The following SYNPR variants were observed in gnomAD, a reference collection of about 807,000 sequenced individuals.
SYNPR encodes synaptoporin.
SYNPR carries 23 observed loss-of-function variants against 32.9 expected under a neutral mutation model. The ratio of observed to expected loss-of-function variants is 0.70; its 90% CI spans 0.50 to 0.99. The LOEUF (loss-of-function observed/expected upper bound fraction) is 0.99, where lower values mean the gene tolerates loss of function less well. Among genes scored for constraint, SYNPR ranks in the 50% least tolerant of loss-of-function variants. The pLI, the probability that SYNPR is intolerant of heterozygous loss-of-function variation, is 0.00. For missense variants in SYNPR, 318 were observed against 349.3 expected (o/e 0.91, Z 0.71); for synonymous variants, 146 against 135.9 (o/e 1.07, Z -0.52).
chr3:63,359,613 A>G (rs1323738726), intron 2 of SYNPR, among the ~76,000 whole-genome samples: 1 of 152,100 alleles, frequency 6.6e-6, no homozygotes, highest in East Asian at 1.9e-4. Flanking sequence ...TTTGAGCAGT[A>G]CTCCATGGCC....
At chr3:63,318,327 CAAT>C (rs1182904203) in intron 2 of SYNPR, among the ~76,000 whole-genome samples, 3 of 152,012 alleles carry the variant, frequency 2.0e-5, no homozygotes, top group African/African-American at 7.2e-5. Flanking sequence ...AAGTTTTCCT[CAAT>C]TATTCCCCTG....
chr3:63,227,437 A>C (rs76826716), upstream of SYNPR, among the ~76,000 whole-genome samples: 909 of 152,324 alleles, frequency 6.0e-3, 8 homozygotes, highest in African/African-American at 0.021. Context: ...GAGAGAGAGT[A>C]TATTACAGAA....
intron 4 of SYNPR, among the ~76,000 whole-genome samples, chr3:63,608,581 G>C (rs1404841829): frequency 6.6e-6 from 1 of 151,964 alleles, no homozygotes; most frequent in African/African-American, 2.4e-5. Flanking sequence ...ACATTGGTTT[G>C]TTAAGTGAAC....
At chr3:63,604,446 T>A (rs2106896960) in intron 4 of SYNPR, among the ~76,000 whole-genome samples, 1 of 152,262 alleles carries the variant, frequency 6.6e-6, no homozygotes, top group East Asian at 1.9e-4. Flanking sequence ...GGTTGTTAAT[T>A]TGAGATCTTT....
In SYNPR at chr3:63,431,756, A is replaced by G. The variant is rs557568975; in HGVS notation, c.85-49076A>G. Among the ~76,000 whole-genome samples, 4 of 152,218 alleles carry G rather than the reference A, an allele frequency of 2.6e-5. No individual in the cohort carries two copies. In the East Asian group the frequency reaches 7.7e-4, roughly 29 times the overall value. ...AACCAACAAACGAAAAGAAAAAAAA[A>G]ATCACTGAGAAGTACAGCCAGAACC... On this transcript the variant is annotated intron_variant, in intron 2 of 5. Coordinates refer to ENST00000478300, the MANE Select transcript of SYNPR (RefSeq NM_001130003.2).
At chr3:63,422,295 C>A (rs1005437942) in intron 2 of SYNPR, among the ~76,000 whole-genome samples, 2 of 152,046 alleles carry the variant, frequency 1.3e-5, no homozygotes, top group Non-Finnish European at 2.9e-5. Flanking sequence ...AAAATGGGAC[C>A]TTTTCCCTAA....
chr3:63,347,900 TG>T (rs1206828740), intron 2 of SYNPR, among the ~76,000 whole-genome samples: 1 of 151,636 alleles, frequency 6.6e-6, no homozygotes, highest in Non-Finnish European at 1.5e-5. Flanking sequence ...TGTGTGTGTG[TG>T]TGTGTGTGTG....
intron 2 of SYNPR, among the ~76,000 whole-genome samples, chr3:63,455,740 A>G (rs1700469312): frequency 7.7e-6 from 1 of 129,100 alleles, no homozygotes; most frequent in Non-Finnish European, 1.6e-5. Context: ...TTGCTTCTGT[A>G]CATAGTCATG....
rs188314658 is a variant in SYNPR, at chr3:63,446,587, T to C, written c.85-34245T>C. 1.9e-3 allele frequency among the ~76,000 whole-genome samples: 284 copies of C among 152,258 alleles called. 1 individual carries two copies. The highest frequency in any genetic ancestry group is 6.4e-3 in the African/African-American group (267 of 41,552). ...TTGAAATTTCTCTTCAAGTGGCAGC[T>C]TCTGGATGAGAAGCAGGGCATTCTA... On this transcript the variant is annotated intron_variant, in intron 2 of 5. Coordinates refer to ENST00000478300, the MANE Select transcript of SYNPR (RefSeq NM_001130003.2).
chr3:63,244,123 G>A (rs929230219), intron 1 of SYNPR, among the ~76,000 whole-genome samples: 4 of 152,184 alleles, frequency 2.6e-5, no homozygotes, highest in African/African-American at 9.6e-5. Flanking sequence ...GGAATGGAGT[G>A]AGAAAAGCAT....
chr3:63,614,038 C>T (rs1305101095), intron 5 of SYNPR, among the ~76,000 whole-genome samples: 5 of 120,378 alleles, frequency 4.2e-5, no homozygotes, highest in African/African-American at 1.5e-4. Context: ...CCTCTGCCAC[C>T]ACTACCCACA....
chr3:63,270,259 T>A (rs533043626), intron 3 of SYNPR, among the ~76,000 whole-genome samples: 112 of 152,276 alleles, frequency 7.4e-4, no homozygotes, highest in African/African-American at 2.5e-3. Flanking sequence ...CAGACATGAC[T>A]TTCATCTTTG....
rs6786707 is a variant in SYNPR, at chr3:63,389,778, G to C, written c.85-91054G>C. On this transcript the variant is annotated intron_variant, in intron 2 of 5. Coordinates refer to ENST00000478300, the MANE Select transcript of SYNPR (RefSeq NM_001130003.2). ...AGACCAAGGTGAAAATTCTCCCTCT[G>C]CCACTTTTATTTGGAAAGTTATTTC... is the stretch of plus-strand genomic sequence containing the variant. Among the ~76,000 whole-genome samples, 1,051 of 152,274 alleles carry C rather than the reference G, an allele frequency of 6.9e-3. 12 individuals are homozygous for C. Among genetic ancestry groups the C allele is most frequent in the African/African-American group, 0.023 (969 of 41,540 alleles).
intron 2 of SYNPR, chr3:63,452,140 A>G (rs1241089582): frequency 1.4e-6 from 1 of 701,644 alleles, no homozygotes; most frequent in African/African-American, 1.7e-5. Context: ...TTATTTGCTC[A>G]CTCATTCATT....
At chr3:63,594,888 A>G (rs570032989) in intron 4 of SYNPR, among the ~76,000 whole-genome samples, 2 of 152,316 alleles carry the variant, frequency 1.3e-5, no homozygotes, top group South Asian at 4.1e-4. Flanking sequence ...TTGAAAATAT[A>G]GGCAGCCTGG....
intron 2 of SYNPR, among the ~76,000 whole-genome samples, chr3:63,379,493 T>C (rs564977398): frequency 3.3e-5 from 5 of 152,200 alleles, no homozygotes; most frequent in Non-Finnish European, 7.3e-5. Context: ...ACTGGAAGTT[T>C]GTAGCTCTGT....
chr3:63,536,243 G>T (rs1304688982), intron 3 of SYNPR, among the ~76,000 whole-genome samples: 1 of 152,108 alleles, frequency 6.6e-6, no homozygotes, highest in Non-Finnish European at 1.5e-5. Context: ...CTTACATCCA[G>T]AATATATGAA....
At chr3:63,462,263 C>T (rs1700597422) in intron 2 of SYNPR, among the ~76,000 whole-genome samples, 1 of 152,126 alleles carries the variant, frequency 6.6e-6, no homozygotes, top group African/African-American at 2.4e-5. Context: ...CTGTTGTTCT[C>T]TACCATTGTA....
At chr3:63,454,301 G>A (rs1164704763) in intron 2 of SYNPR, among the ~76,000 whole-genome samples, 1 of 152,072 alleles carries the variant, frequency 6.6e-6, no homozygotes, top group Non-Finnish European at 1.5e-5. Context: ...AAATAACTAT[G>A]TTTACCTTTG....
Sources: gnomAD v4.1 joint callset for allele counts (sites outside exome capture counted in the v4.1 genomes callset) on GRCh38, gnomAD v4.1.1 for gene constraint, MANE v1.5 for transcripts, NCBI Gene and HGNC (gene_info 2026-07-23, HGNC 2026-07-21) for gene names.